Variants in VPS8 observed in about 807,000 individuals in gnomAD.
VPS8 encodes VPS8 subunit of CORVET complex.
VPS8 carries 129 observed loss-of-function variants against 216.4 expected under a neutral mutation model. That is an observed-to-expected ratio of 0.60 (90% CI 0.52 to 0.69). The LOEUF is 0.69. Among genes scored for constraint, VPS8 ranks in the 30% least tolerant of loss-of-function variants. The pLI is 0.00. For missense variants in VPS8, 1,531 were observed against 1,683.5 expected (o/e 0.91, Z 1.59); for synonymous variants, 571 against 565.4 (o/e 1.01, Z -0.14).
intron 25 of VPS8, among the ~76,000 whole-genome samples, chr3:184,903,229 A>T (rs1057472326): frequency 7.9e-5 from 12 of 152,144 alleles, no homozygotes; most frequent in Non-Finnish European, 2.9e-5. Flanking sequence ...TAAGTCCTAC[A>T]ATATTGTTTT....
chr3:185,012,272 G>T (rs913501389), intron 45 of VPS8, among the ~76,000 whole-genome samples: 1 of 146,522 alleles, frequency 6.8e-6, no homozygotes, highest in African/African-American at 2.5e-5. Flanking sequence ...GATATATAAT[G>T]TACATATATC....
intron 5 of VPS8, 49 bp from the exon 6 acceptor site, chr3:184,838,665 T>C: frequency 1.4e-6 from 2 of 1,455,242 alleles, no homozygotes; most frequent in Non-Finnish European, 9.3e-7. Context: ...CCATTTTCTG[T>C]TTTAAAATGA....
At chr3:184,845,427 CAG>C (rs1476147161) in intron 8 of VPS8, among the ~76,000 whole-genome samples, 3 of 152,120 alleles carry the variant, frequency 2.0e-5, no homozygotes, top group Non-Finnish European at 2.9e-5. Flanking sequence ...AATTATATAA[CAG>C]CAAGTTTGTT....
intron 22 of VPS8, among the ~76,000 whole-genome samples, chr3:184,888,346 C>G (rs1012540487): frequency 6.6e-6 from 1 of 152,136 alleles, no homozygotes; most frequent in African/African-American, 2.4e-5. Context: ...GGAGAAATTT[C>G]TTTCCGGTGT....
At chr3:184,855,224 T>A (rs1186579485) in intron 13 of VPS8, among the ~76,000 whole-genome samples, 1 of 152,198 alleles carries the variant, frequency 6.6e-6, no homozygotes, top group African/African-American at 2.4e-5. Flanking sequence ...AATACTTGTA[T>A]AGCTACCATT....
Position 185,020,929 on chromosome 3 carries a change from G to A in VPS8, c.4003-3407G>A, listed in dbSNP as rs963498636. 8.6e-5 allele frequency among the ~76,000 whole-genome samples: 13 copies of A among 152,002 alleles called. 1 individual carries two copies. Among genetic ancestry groups the A allele is most frequent in the East Asian group, 3.9e-4 (2 of 5,182 alleles). ...TCTACTAAAAATACAAAAATTAGCC[G>A]GGCATGGTGGGGTGCACCTGTAATC... On this transcript the variant is annotated intron_variant, in intron 45 of 47. Transcript: ENST00000625842.
At chr3:184,903,739 T>C (rs998305346) in intron 25 of VPS8, among the ~76,000 whole-genome samples, 2 of 152,196 alleles carry the variant, frequency 1.3e-5, no homozygotes, top group Admixed American at 6.5e-5. Context: ...TGAGCCACTG[T>C]ACCCAGCTTA....
In VPS8 at chr3:184,869,510, G is replaced by A. The variant is rs1203884909; in HGVS notation, c.1626G>A (p.Lys542=). The A allele has an allele frequency of 6.2e-6, 10 of 1,613,374 alleles. No individual in the cohort carries two copies. In the South Asian group the frequency reaches 1.1e-4, roughly 18 times the overall value. The change falls in exon 20 of 48, where the codon AAG becomes AAA. Residue 542 remains lysine (K), a synonymous_variant. Transcript: ENST00000625842. ...TATCAGGGGATGCCAGTAAGCGAAAGGCTATTGTTGCAGACCGGGTGAGTA... is the reference window on the plus strand; with the variant it reads ...TATCAGGGGATGCCAGTAAGCGAAAAGCTATTGTTGCAGACCGGGTGAGTA... ...VGLSGDASKR[K]AIVADRMVEI...
intron 5 of VPS8, chr3:184,836,346 C>A (rs1560316089): frequency 2.2e-6 from 1 of 455,972 alleles, no homozygotes. Flanking sequence ...TGATGAAATT[C>A]ATTCCTTTCA....
intron 45 of VPS8, among the ~76,000 whole-genome samples, chr3:185,013,820 C>T (rs1755393484): frequency 6.6e-6 from 1 of 152,352 alleles, no homozygotes; most frequent in Non-Finnish European, 1.5e-5. Flanking sequence ...GTGGCCATGG[C>T]ACACAGACAG....
intron 1 of VPS8, chr3:184,812,492 A>G (rs1469239720): frequency 6.6e-6 from 1 of 152,208 alleles, no homozygotes; most frequent in Non-Finnish European, 1.5e-5. Flanking sequence ...ACTGGTTCCA[A>G]ATGAATGTGA....
intron 11 of VPS8, among the ~76,000 whole-genome samples, chr3:184,853,244 C>A (rs759365235): frequency 6.6e-6 from 1 of 152,108 alleles, no homozygotes; most frequent in Non-Finnish European, 1.5e-5. Flanking sequence ...AGAGAACTTA[C>A]ATTCTAGCTG....
intron 45 of VPS8, among the ~76,000 whole-genome samples, chr3:185,004,025 A>C (rs1246096534): frequency 2.0e-5 from 3 of 151,962 alleles, no homozygotes; most frequent in Non-Finnish European, 4.4e-5. Flanking sequence ...GACGCTCCTC[A>C]CTTTCCAGAC....
intron 40 of VPS8, 22 bp downstream of exon 40, chr3:184,971,774 T>A: frequency 6.2e-7 from 1 of 1,601,968 alleles, no homozygotes; most frequent in African/African-American, 1.3e-5. Context: ...ACTGTTTAGG[T>A]ATTTAAAAGC....
intron 34 of VPS8, among the ~76,000 whole-genome samples, chr3:184,933,897 AT>A (rs1194150088): frequency 6.6e-6 from 1 of 152,188 alleles, no homozygotes; most frequent in Admixed American, 6.6e-5. Flanking sequence ...GAGTCTTGAT[AT>A]CTTTAACAGA....
At chr3:185,041,193 G>A (rs559934854) in intron 46 of VPS8, among the ~76,000 whole-genome samples, 42 of 150,708 alleles carry the variant, frequency 2.8e-4, no homozygotes, top group Admixed American at 2.4e-3. Flanking sequence ...CAACAAGAGC[G>A]AAACTCCATC....
At chr3:184,819,833 C>T (rs948035650) in intron 1 of VPS8, among the ~76,000 whole-genome samples, 1 of 152,102 alleles carries the variant, frequency 6.6e-6, no homozygotes, top group South Asian at 2.1e-4. Flanking sequence ...ATAACATTAA[C>T]AGTTGTTTAA....
Position 184,924,955 on chromosome 3 carries a change from T to C in VPS8, c.2548T>C (p.Phe850Leu). 1 of 1,613,786 alleles carries C rather than the reference T, an allele frequency of 6.2e-7. No homozygotes were observed. Among genetic ancestry groups the C allele is most frequent in the Non-Finnish European group, 8.5e-7 (1 of 1,179,810 alleles). Residue 850 changes from phenylalanine to leucine, a missense_variant, in exon 30 of 48, where the codon TTT (phenylalanine) becomes CTT (leucine). By Grantham distance (22) the Phe-to-Leu change is conservative. Around this residue, in one of 3 missense-constraint regions of VPS8, gnomAD observed 1,318 missense variants for 1,468.4 expected, o/e 0.90. Transcript: ENST00000625842. ...GCTTGCAAAGCCTGACAACACCTTG[T>C]TTGTAAACAGAACACTTTTTGATCA... ...RQLAKPDNTLFVNRTLFDQVL... is the reference protein window; with the variant it reads ...RQLAKPDNTLLVNRTLFDQVL...
At chr3:185,024,619 G>A (rs567237023) in intron 46 of VPS8, among the ~76,000 whole-genome samples, 1 of 152,298 alleles carries the variant, frequency 6.6e-6, no homozygotes, top group East Asian at 1.9e-4. Flanking sequence ...TTTCTAGAAT[G>A]TCCATCTTCC....
Sources: gnomAD v4.1 joint callset for allele counts (sites outside exome capture counted in the v4.1 genomes callset) on GRCh38, gnomAD v4.1.1 for gene constraint, gnomAD v4.1.1 regional missense constraint, MANE v1.5 for transcripts, NCBI Gene and HGNC (gene_info 2026-07-23, HGNC 2026-07-21) for gene names.